The following VDAC1 variants were observed in gnomAD, a reference collection of about 807,000 sequenced individuals.
VDAC1 encodes the protein non-selective voltage-gated ion channel VDAC1.
VDAC1 carries 10 observed loss-of-function variants against 34.7 expected under a neutral mutation model. The ratio of observed to expected loss-of-function variants is 0.29; its 90% confidence interval spans 0.18 to 0.49. The LOEUF (loss-of-function observed/expected upper bound fraction) is 0.49, where lower values mean the gene tolerates loss of function less well. Among genes scored for constraint, VDAC1 ranks in the 20% least tolerant of loss-of-function variants. The pLI is 0.99. For missense variants in VDAC1, 230 were observed against 347.9 expected, an observed-to-expected ratio of 0.66 and a Z score of 2.69; for synonymous variants, 130 against 136.0, an observed-to-expected ratio of 0.96 and a Z score of 0.30.
the VDAC1 span, among the ~76,000 whole-genome samples, chr5:134,015,931 C>T: frequency 6.6e-6 from 1 of 152,144 alleles, no homozygotes; most frequent in Non-Finnish European, 1.5e-5. Context: ...GCATGAGCCA[C>T]GGTGCCCCGT....
At chr5:134,004,497 C>G (rs1753683791) in intron 1 of VDAC1, 1 of 153,268 alleles carries the variant, frequency 6.5e-6, no homozygotes. Context: ...CAGCCAGGCC[C>G]GCGCCGGCCG....
chr5:134,071,679 G>C, the VDAC1 span, among the ~76,000 whole-genome samples: 4 of 152,226 alleles, frequency 2.6e-5, no homozygotes, highest in African/African-American at 9.6e-5. This position sits in a 1 kb window ranked among gnomAD's most constrained non-coding sequence, Gnocchi z 4.1. Flanking sequence ...TAAGTTTTGA[G>C]TCTGAAAGAA....
At chr5:134,077,838 C>T in the VDAC1 span, among the ~76,000 whole-genome samples, 10 of 152,162 alleles carry the variant, frequency 6.6e-5, no homozygotes, top group Admixed American at 1.3e-4. Context: ...AGTGTTTCAG[C>T]CTTGGCCACA....
At chr5:133,984,225 A>AGT (rs954557886) in intron 5 of VDAC1, among the ~76,000 whole-genome samples, 10 of 151,824 alleles carry the variant, frequency 6.6e-5, no homozygotes, top group Non-Finnish European at 4.4e-5. Context: ...AGGCCCAGCT[A>AGT]GTGTGTGTGT....
chr5:134,049,124 G>T, the VDAC1 span, among the ~76,000 whole-genome samples: 2 of 152,240 alleles, frequency 1.3e-5, no homozygotes, highest in Admixed American at 1.3e-4. Context: ...AAAGCACATG[G>T]GTAGCACTGG....
intron 1 of VDAC1, among the ~76,000 whole-genome samples, chr5:133,998,856 G>T (rs893398419): frequency 6.6e-6 from 1 of 152,192 alleles, no homozygotes; most frequent in African/African-American, 2.4e-5. Context: ...CAGAAGAGAT[G>T]GAACTCCTCC....
intron 1 of VDAC1, among the ~76,000 whole-genome samples, chr5:133,996,241 C>T (rs572458520): frequency 6.6e-6 from 1 of 152,318 alleles, no homozygotes; most frequent in African/African-American, 2.4e-5. Flanking sequence ...GCTGAGCAGA[C>T]CTGCCTGCAG....
At chr5:134,060,259 C>A in the VDAC1 span, among the ~76,000 whole-genome samples, 1 of 151,972 alleles carries the variant, frequency 6.6e-6, no homozygotes, top group Non-Finnish European at 1.5e-5. Context: ...CCAGCTACCA[C>A]GTTGATGCGC....
the VDAC1 span, among the ~76,000 whole-genome samples, chr5:134,070,977 G>A: frequency 6.6e-6 from 1 of 152,184 alleles, no homozygotes; most frequent in African/African-American, 2.4e-5. Context: ...CGGTCCAAGC[G>A]TCACCATCCC....
chr5:133,988,417 T>C (rs568759608), intron 5 of VDAC1, among the ~76,000 whole-genome samples: 14 of 151,968 alleles, frequency 9.2e-5, no homozygotes, highest in African/African-American at 3.4e-4. Flanking sequence ...AGAGACCCTG[T>C]CTCTATTAAA....
In VDAC1 at chr5:133,972,409, G is replaced by A. The variant is rs1265501021; in HGVS notation, c.*362C>T. The A allele has an allele frequency of 2.4e-6, 1 of 422,192 alleles. No homozygotes were observed. The highest frequency in any genetic ancestry group is 4.0e-5 in the Admixed American group (1 of 25,270). The allele number at this position is 422,192 out of a possible 1,614,324, so 26.2% of individuals were successfully genotyped here. A position where few individuals can be genotyped will look rare whatever the true frequency, so the allele number is the denominator to read the frequency against. ...CGAGCCTCTCATCAATTAGGGTTAG[G>A]GAACCAAGGTTCGATTCTCAGGAAA... On this transcript the variant is annotated 3_prime_UTR_variant, in exon 9 of 9. Transcript: ENST00000265333.
the VDAC1 span, among the ~76,000 whole-genome samples, chr5:134,079,081 TC>T: frequency 6.6e-6 from 1 of 151,364 alleles, no homozygotes; most frequent in African/African-American, 2.4e-5. Flanking sequence ...CAACTGATTC[TC>T]CTCCCTCAGC....
chr5:134,082,892 A>C, the VDAC1 span, among the ~76,000 whole-genome samples: 1 of 152,208 alleles, frequency 6.6e-6, no homozygotes, highest in Non-Finnish European at 1.5e-5. Flanking sequence ...ATGCAGATTA[A>C]TATTACATCT....
chr5:134,044,886 T>C, the VDAC1 span, among the ~76,000 whole-genome samples: 1 of 152,180 alleles, frequency 6.6e-6, no homozygotes, highest in South Asian at 2.1e-4. Context: ...AAGGAGCTCA[T>C]CACCATGTGA....
chr5:134,039,068 C>T, the VDAC1 span, among the ~76,000 whole-genome samples: 1 of 152,190 alleles, frequency 6.6e-6, no homozygotes, highest in Non-Finnish European at 1.5e-5. Flanking sequence ...CCATGCTTTC[C>T]AGAGCACCAA....
At chr5:134,079,713 C>T in the VDAC1 span, among the ~76,000 whole-genome samples, 1 of 152,222 alleles carries the variant, frequency 6.6e-6, no homozygotes, top group Non-Finnish European at 1.5e-5. Context: ...GGCCTGGCAG[C>T]ACAAAGCCCC....
rs1320835266 is a variant in VDAC1 at position 133,980,947 on chromosome 5, A to G, written c.333T>C (p.Asn111=). The change falls in exon 6 of 9, where the codon AAT becomes AAC. Residue 111 remains asparagine, a synonymous_variant. Transcript: ENST00000265333. ...SSFSPNTGKK[N]AKIKTGYKRE... is the part of the protein sequence containing the mutation. ...GCTTGTACCCTGTCTTGATTTTAGC[A>G]TTTTTTTTCCTGAAGGAAAATAAGT... is the stretch of plus-strand genomic sequence containing the variant. The G allele has an allele frequency of 6.2e-7, 1 of 1,611,202 alleles. No individual in the cohort carries two copies. The highest frequency in any genetic ancestry group is 1.3e-5 in the African/African-American group (1 of 74,288).
the VDAC1 span, among the ~76,000 whole-genome samples, chr5:134,085,854 G>C: frequency 2.0e-5 from 3 of 151,388 alleles, no homozygotes; most frequent in Non-Finnish European, 4.4e-5. Flanking sequence ...GTTACTATGA[G>C]CTATGATCAG....
At chr5:134,039,484 A>G in the VDAC1 span, among the ~76,000 whole-genome samples, 9 of 146,634 alleles carry the variant, frequency 6.1e-5, no homozygotes, top group East Asian at 2.0e-4. Context: ...TCCTGCCACC[A>G]CGCCCGGCTA....
Sources: gnomAD v4.1 joint callset for allele counts (sites outside exome capture counted in the v4.1 genomes callset) on GRCh38, gnomAD v4.1.1 for gene constraint, Gnocchi (gnomAD v3.1) non-coding constraint, MANE v1.5 for transcripts, NCBI Gene and HGNC (gene_info 2026-07-23, HGNC 2026-07-21) for gene names.